The following ZC3H12B variants were observed in gnomAD, a reference collection of about 807,000 sequenced individuals.
ZC3H12B encodes zinc finger CCCH-type containing 12B.
In ZC3H12B, 7 loss-of-function variants were observed where a neutral mutation model predicts 43.9. That is an observed-to-expected ratio of 0.16 (90% CI 0.09 to 0.30). The LOEUF (loss-of-function observed/expected upper bound fraction) is 0.30, where lower values mean the gene tolerates loss of function less well. ZC3H12B is among the 10% of genes least tolerant of loss of function. The pLI, the probability that ZC3H12B is intolerant of heterozygous loss-of-function variation, is 1.00. For missense variants in ZC3H12B, 475 were observed against 670.2 expected, an observed-to-expected ratio of 0.71 and a Z score of 3.22; for synonymous variants, 222 against 241.7, an observed-to-expected ratio of 0.92 and a Z score of 0.76.
At chrX:65,449,886 A>T (rs911736238) in intron 3 of ZC3H12B, among the ~76,000 whole-genome samples, 1 of 111,321 alleles carries the variant, frequency 9.0e-6, no homozygotes, top group East Asian at 2.8e-4. Flanking sequence ...CAGATAAAAA[A>T]CTATATGTTG....
chrX:65,225,334 A>G, the ZC3H12B span, among the ~76,000 whole-genome samples: 2 of 112,421 alleles, frequency 1.8e-5, no homozygotes, highest in African/African-American at 3.2e-5. Context: ...TAAAAGGAAA[A>G]CTAACAAACA....
At chrX:65,249,951 A>T in the ZC3H12B span, among the ~76,000 whole-genome samples, 1 of 109,587 alleles carries the variant, frequency 9.1e-6, no homozygotes, top group South Asian at 4.0e-4. Flanking sequence ...TCTTTTTTTT[A>T]TTATACCTTA....
At chrX:65,189,780 A>T in the ZC3H12B span, among the ~76,000 whole-genome samples, 1 of 111,040 alleles carries the variant, frequency 9.0e-6, no homozygotes, top group African/African-American at 3.3e-5. Context: ...TGCTTTTGCT[A>T]TGCAGAAGCT....
intron 3 of ZC3H12B, among the ~76,000 whole-genome samples, chrX:65,451,359 C>A (rs1351166069): frequency 9.0e-6 from 1 of 111,581 alleles, no homozygotes; most frequent in Admixed American, 9.6e-5. Context: ...GTGTATGGAA[C>A]TTCTTTTAAG....
At chrX:65,416,927 A>C (rs1244101782) in intron 3 of ZC3H12B, among the ~76,000 whole-genome samples, 1 of 112,048 alleles carries the variant, frequency 8.9e-6, no homozygotes, top group Non-Finnish European at 1.9e-5. Flanking sequence ...TTGCCTGACT[A>C]TACTTGTTTA....
At chrX:65,374,151 A>T (rs1441497131) in intron 2 of ZC3H12B, among the ~76,000 whole-genome samples, 1 of 73,980 alleles carries the variant, frequency 1.4e-5, no homozygotes, top group African/African-American at 6.5e-5. Flanking sequence ...CTATATATAC[A>T]GTGTATATAT....
the ZC3H12B span, among the ~76,000 whole-genome samples, chrX:65,243,679 T>C: frequency 6.1e-4 from 69 of 112,497 alleles, 1 homozygote; most frequent in East Asian, 0.014. Flanking sequence ...TCTATGTTTA[T>C]TGCAGCACTT....
the ZC3H12B span, among the ~76,000 whole-genome samples, chrX:65,260,877 T>C: frequency 4.4e-4 from 49 of 111,518 alleles, no homozygotes; most frequent in African/African-American, 1.6e-3. Flanking sequence ...ATTACCTGAA[T>C]CTCAGACTGC....
At chrX:65,121,532 C>T in the ZC3H12B span, among the ~76,000 whole-genome samples, 1 of 110,881 alleles carries the variant, frequency 9.0e-6, no homozygotes, top group African/African-American at 3.3e-5. Flanking sequence ...CTATTTGATT[C>T]TTCTCTCTTT....
the ZC3H12B span, among the ~76,000 whole-genome samples, chrX:65,249,238 A>T: frequency 8.9e-6 from 1 of 112,136 alleles, no homozygotes; most frequent in African/African-American, 3.2e-5. Flanking sequence ...TCTTTAAGCC[A>T]TCTTGATTTC....
the ZC3H12B span, among the ~76,000 whole-genome samples, chrX:65,077,370 C>G: frequency 1.8e-5 from 2 of 112,147 alleles, no homozygotes; most frequent in African/African-American, 6.5e-5. Context: ...CAGCCCTTCT[C>G]TGCTTCCACT....
At chrX:65,296,975 A>G in the ZC3H12B span, among the ~76,000 whole-genome samples, 1 of 111,938 alleles carries the variant, frequency 8.9e-6, no homozygotes, top group Non-Finnish European at 1.9e-5. Context: ...ACCCTCAGCA[A>G]TGACATCATA....
chrX:65,383,492 T>C (rs2066474367), intron 2 of ZC3H12B, among the ~76,000 whole-genome samples: 2 of 111,880 alleles, frequency 1.8e-5, no homozygotes, highest in Admixed American at 1.9e-4. Context: ...CCTAATACCA[T>C]AAAAACCCTA....
chrX:65,335,214 G>T, the ZC3H12B span, among the ~76,000 whole-genome samples: 1 of 111,775 alleles, frequency 8.9e-6, no homozygotes, highest in East Asian at 2.8e-4. Context: ...GGTTTCATAA[G>T]GAAGACAGAG....
At chrX:65,490,255 AG>A (rs1313214090) in intron 1 of ZC3H12B, among the ~76,000 whole-genome samples, 1 of 110,044 alleles carries the variant, frequency 9.1e-6, no homozygotes, top group Non-Finnish European at 1.9e-5. Context: ...ATTAGAGGGA[AG>A]CAGCAAGATC....
the ZC3H12B span, among the ~76,000 whole-genome samples, chrX:65,077,721 T>C: frequency 2.7e-5 from 3 of 111,717 alleles, no homozygotes; most frequent in Non-Finnish European, 5.6e-5. Context: ...CAAGGTTAAA[T>C]TTGTTTTTGT....
At chrX:65,485,568 T>A (rs2068114933), upstream of ZC3H12B, among the ~76,000 whole-genome samples, 1 of 112,623 alleles carries the variant, frequency 8.9e-6, no homozygotes, top group Non-Finnish European at 1.9e-5. Flanking sequence ...CAACTCTTTT[T>A]AACACATGTC....
intron 1 of ZC3H12B, 125 bp downstream of exon 6, chrX:65,489,534 G>T (rs2068175453): frequency 2.4e-6 from 2 of 841,577 alleles, no homozygotes; most frequent in South Asian, 5.9e-5. Context: ...TTCTGAAGGT[G>T]GCCAGAGACT....
the ZC3H12B span, among the ~76,000 whole-genome samples, chrX:65,154,137 G>A: frequency 1.1e-4 from 12 of 111,084 alleles, no homozygotes; most frequent in African/African-American, 3.6e-4. Flanking sequence ...GTTAAATGAC[G>A]AGTTAATGGG....
Sources: gnomAD v4.1 joint callset for allele counts (sites outside exome capture counted in the v4.1 genomes callset) on GRCh38, gnomAD v4.1.1 for gene constraint, MANE v1.5 for transcripts, NCBI Gene and HGNC (gene_info 2026-07-23, HGNC 2026-07-21) for gene names.